The following ANK1 variants were observed in gnomAD, a reference collection of about 807,000 sequenced individuals.
ANK1 encodes the protein ankyrin-1.
In ANK1, 51 loss-of-function variants were observed where a neutral mutation model predicts 210.4. That is an observed-to-expected ratio of 0.24 (90% confidence interval 0.19 to 0.31). The LOEUF (loss-of-function observed/expected upper bound fraction) is 0.31. ANK1 is among the 10% of genes least tolerant of loss of function. The probability of loss-of-function intolerance (pLI) is 1.00; values close to 1 mark genes in which losing one functional copy is unlikely to be tolerated. For synonymous variants in ANK1, 967 were observed against 1,025.9 expected (o/e 0.94, Z 1.10); for missense variants, 2,051 against 2,504.4 (o/e 0.82, Z 3.86).
At chr8:41,852,717 T>C (rs1006696231) in intron 1 of ANK1, among the ~76,000 whole-genome samples, 2 of 152,222 alleles carry the variant, frequency 1.3e-5, no homozygotes, top group Non-Finnish European at 2.9e-5. Flanking sequence ...GGTCCGATGA[T>C]TTATCGAGGA....
intron 1 of ANK1, among the ~76,000 whole-genome samples, chr8:41,823,307 A>G (rs1181662619): frequency 6.6e-6 from 1 of 152,166 alleles, no homozygotes; most frequent in African/African-American, 2.4e-5. Context: ...ACAACATTAG[A>G]AAAAAACCGC....
At chr8:41,805,855 G>C (rs1284694388) in intron 1 of ANK1, among the ~76,000 whole-genome samples, 2 of 152,188 alleles carry the variant, frequency 1.3e-5, no homozygotes, top group Non-Finnish European at 2.9e-5. Flanking sequence ...TGTCAGTTGA[G>C]GTATGTGAAG....
chr8:41,714,072 T>C (rs944719228), intron 16 of ANK1, 84 bp downstream of exon 16: 3 of 1,009,432 alleles, frequency 3.0e-6, no homozygotes. Flanking sequence ...CTTGGGCTGC[T>C]GTGGAAACCC....
intron 20 of ANK1, among the ~76,000 whole-genome samples, chr8:41,703,450 A>ATATATTTT (rs59985416): frequency 8.0e-4 from 47 of 58,822 alleles, no homozygotes; most frequent in Non-Finnish European, 1.2e-3. Flanking sequence ...ATATATATAT[A>ATATATTTT]TTTTTTTTTT....
Position 41,733,989 on chromosome 8 carries a change from A to C in ANK1, c.210T>G (p.Ile70Met). 1 of 1,614,214 alleles carries C rather than the reference A, an allele frequency of 6.2e-7. No individual in the cohort carries two copies. The highest frequency in any genetic ancestry group is 1.7e-5 in the Admixed American group (1 of 60,024). ...MVVELLHKEI[I>M]LETTTKKGNT... ...GACATACCTTGGTTGTCGTTTCTAG[A>C]ATGATTTCTTTGTGCAGAAGTTCAA... Residue 70 changes from isoleucine to methionine, a missense_variant, in exon 3 of 43, where the codon ATT (isoleucine) becomes ATG (methionine). By Grantham distance (10) the Ile-to-Met change is conservative. This residue lies in a region of ANK1 where 72 missense variants were observed against 133.5 expected (regional missense o/e 0.54). Coordinates refer to ENST00000289734, the MANE Select transcript of ANK1 (RefSeq NM_000037.4).
chr8:41,837,532 T>G (rs1807997848), intron 1 of ANK1, among the ~76,000 whole-genome samples: 1 of 152,220 alleles, frequency 6.6e-6, no homozygotes, highest in Non-Finnish European at 1.5e-5. Context: ...TGAAATAATA[T>G]GTATGAATAC....
chr8:41,817,553 G>C (rs1022087208), intron 1 of ANK1, among the ~76,000 whole-genome samples: 1 of 152,210 alleles, frequency 6.6e-6, no homozygotes, highest in Non-Finnish European at 1.5e-5. Context: ...CCGATCTTCA[G>C]TTTGCTCCTT....
At chr8:41,769,329 G>T (rs897876259) in intron 1 of ANK1, among the ~76,000 whole-genome samples, 1 of 152,172 alleles carries the variant, frequency 6.6e-6, no homozygotes, top group Non-Finnish European at 1.5e-5. Flanking sequence ...CTAAAGCCCA[G>T]CTCACCCTCC....
chr8:41,826,842 TG>T (rs1191257710), intron 1 of ANK1, among the ~76,000 whole-genome samples: 133 of 152,340 alleles, frequency 8.7e-4, no homozygotes, highest in Non-Finnish European at 1.0e-4. Context: ...CTCTTATCCT[TG>T]GATCTCCATG....
chr8:41,884,131 C>G (rs1362747429), intron 1 of ANK1, among the ~76,000 whole-genome samples: 1 of 152,184 alleles, frequency 6.6e-6, no homozygotes, highest in Non-Finnish European at 1.5e-5. Flanking sequence ...AGACAGATTT[C>G]TTGAGACCAG....
intron 1 of ANK1, among the ~76,000 whole-genome samples, chr8:41,844,566 G>A (rs1202923112): frequency 6.6e-6 from 1 of 152,154 alleles, no homozygotes; most frequent in African/African-American, 2.4e-5. Context: ...AGGAGCTGCG[G>A]TCAAAGCCTC....
intron 1 of ANK1, among the ~76,000 whole-genome samples, chr8:41,870,691 AG>A (rs1815303825): frequency 6.6e-6 from 1 of 152,230 alleles, no homozygotes; most frequent in Admixed American, 6.5e-5. Context: ...GCCCACTCAA[AG>A]CTGAGCTGGA....
chr8:41,808,265 C>T (rs1347665146), intron 1 of ANK1, among the ~76,000 whole-genome samples: 1 of 152,190 alleles, frequency 6.6e-6, no homozygotes, highest in African/African-American at 2.4e-5. Context: ...AATTCCAGAG[C>T]AACTTTTCCT....
chr8:41,818,517 A>C (rs1482010994), intron 1 of ANK1, among the ~76,000 whole-genome samples: 1 of 152,142 alleles, frequency 6.6e-6, no homozygotes, highest in East Asian at 1.9e-4. Context: ...CTCTCTAAAA[A>C]TTTTTTCAAA....
At position 41,653,935 on chromosome 8, in the gene ANK1, C is replaced by A. The variant is rs1424235397; in HGVS notation, c.*1855G>T. Reference sequence around the variant, plus strand: ...GCGCCTAGGCCGCCCCGGGGCCTGCCTGGCCGGGGGTGCACCGGGGCGGAT... The same window carrying A: ...GCGCCTAGGCCGCCCCGGGGCCTGCATGGCCGGGGGTGCACCGGGGCGGAT... On this transcript the variant is annotated 3_prime_UTR_variant, in exon 43 of 43. Coordinates refer to ENST00000289734, the MANE Select transcript of ANK1 (RefSeq NM_000037.4). 2 of 152,200 alleles carry A rather than the reference C, an allele frequency of 1.3e-5. No homozygotes were observed. The highest frequency in any genetic ancestry group is 1.3e-4 in the Admixed American group (2 of 15,290). The allele number at this position is 152,200 out of a possible 1,614,324, so 9.4% of individuals were successfully genotyped here.
chr8:41,806,194 G>A (rs562954718), intron 1 of ANK1, among the ~76,000 whole-genome samples: 7 of 152,262 alleles, frequency 4.6e-5, no homozygotes, highest in South Asian at 2.1e-4. Context: ...ATACCTTGAC[G>A]TTAAGCTATT....
chr8:41,849,146 G>A (rs1438237222), intron 1 of ANK1, among the ~76,000 whole-genome samples: 1 of 152,236 alleles, frequency 6.6e-6, no homozygotes, highest in Non-Finnish European at 1.5e-5. Context: ...ACATTTGGAG[G>A]GGCTCACTTC....
chr8:41,759,076 A>C (rs1839857148), intron 1 of ANK1, among the ~76,000 whole-genome samples: 1 of 152,128 alleles, frequency 6.6e-6, no homozygotes, highest in Non-Finnish European at 1.5e-5. Flanking sequence ...TGTCAAGTAA[A>C]CAGCACATAG....
rs760560030 is a variant in ANK1 at position 41,708,809 on chromosome 8, G to A, written c.1967C>T (p.Ser656Leu). The change falls in exon 17 of 43, where the codon TCG (serine) becomes TTG (leucine). Residue 656 changes from serine to leucine, a missense_variant. Physicochemically the swap from Ser to Leu is moderately radical, Grantham distance 145. Around this residue, in one of 6 missense-constraint regions of ANK1, gnomAD observed 1,413 missense variants for 1,707.4 expected, o/e 0.83. Coordinates refer to ENST00000289734, the MANE Select transcript of ANK1 (RefSeq NM_000037.4). Reference protein sequence around the residue: ...GHAEMVALLLSKQANGNLGNK... With the variant: ...GHAEMVALLLLKQANGNLGNK... ...CCCCAGGTTGCCATTGGCTTGTTTC[G>A]AGAGCAGCAGAGCCACCATCTCTGC... 26 of 1,613,822 alleles carry A rather than the reference G, an allele frequency of 1.6e-5. No homozygotes were observed. Among genetic ancestry groups the A allele is most frequent in the East Asian group, 1.1e-4 (5 of 44,894 alleles).
Sources: allele counts gnomAD v4.1 joint callset (sites outside exome capture counted in the v4.1 genomes callset), GRCh38; gene constraint gnomAD v4.1.1; regional missense constraint gnomAD v4.1.1; transcripts MANE v1.5; gene names NCBI Gene and HGNC (gene_info 2026-07-23, HGNC 2026-07-21).